Variants in SYNE1 observed in about 807,000 individuals in gnomAD.
The protein encoded by SYNE1 is spectrin repeat containing nuclear envelope protein 1.
A neutral mutation model predicts 1,111.0 loss-of-function variants in SYNE1; 616 were observed. That is an observed-to-expected ratio of 0.55 (90% CI 0.52 to 0.59). The LOEUF (loss-of-function observed/expected upper bound fraction) is 0.59. Among genes scored for constraint, SYNE1 ranks in the 20% least tolerant of loss-of-function variants. SYNE1 has a pLI of 0.00. For missense variants in SYNE1, 10,006 were observed against 10,417.0 expected (o/e 0.96, Z 1.72); for synonymous variants, 3,855 against 3,825.8 (o/e 1.01, Z -0.28).
chr6:152,234,906 AT>A, intron 110 of SYNE1, 106 bp from the exon 111 acceptor site: 1 of 1,315,488 alleles, frequency 7.6e-7, no homozygotes, highest in Non-Finnish European at 1.1e-6. Flanking sequence ...AGGTCTGAAG[AT>A]TTAGAAGAAA....
chr6:152,395,402 C>T (rs2097716673), intron 51 of SYNE1, 114 bp downstream of exon 51: 1 of 1,110,356 alleles, frequency 9.0e-7, no homozygotes, highest in South Asian at 1.5e-5. Flanking sequence ...AAGGACAGCA[C>T]AAACCACTAC....
rs762570039 is a variant in SYNE1, at chr6:152,242,401, T to C, written c.19732A>G (p.Arg6578Gly). Reference sequence around the variant, plus strand: ...GTAAGGTTCTGATTCAGACCACTCCTCCGGGAGCCAATGATCATCATCAGC... The same window carrying C: ...GTAAGGTTCTGATTCAGACCACTCCCCCGGGAGCCAATGATCATCATCAGC... ...DELMMIIGSR[R>G]SGLNQNLTLK... The change falls in exon 107 of 146, where the codon AGG (arginine) becomes GGG (glycine). Residue 6578 changes from arginine (R) to glycine (G), a missense_variant. By Grantham distance (125) the Arg-to-Gly change is moderately radical. Around this residue, in one of 7 missense-constraint regions of SYNE1, gnomAD observed 2,182 missense variants for 2,287.8 expected, o/e 0.95. Transcript: ENST00000367255. 14 of 1,614,046 alleles carry C rather than the reference T, an allele frequency of 8.7e-6. No homozygotes were observed. The South Asian group carries it at 1.3e-4, about 15-fold the overall frequency.
intron 66 of SYNE1, among the ~76,000 whole-genome samples, chr6:152,356,791 GA>G (rs2096846386): frequency 6.6e-6 from 1 of 152,092 alleles, no homozygotes; most frequent in East Asian, 1.9e-4. Flanking sequence ...GAAAATGTAA[GA>G]ATTAATGCAT....
At chr6:152,397,119 TG>T in intron 49 of SYNE1, 139 bp from the exon 50 acceptor site, 2 of 816,732 alleles carry the variant, frequency 2.4e-6, no homozygotes, top group Non-Finnish European at 2.0e-6. Flanking sequence ...TGCATACAAT[TG>T]GGCACAACCA....
At chr6:152,409,750 T>A (rs2154170313) in intron 42 of SYNE1, 41 bp from the exon 43 acceptor site, 2 of 1,608,752 alleles carry the variant, frequency 1.2e-6, no homozygotes, top group South Asian at 1.1e-5. Flanking sequence ...GTGTCATGTA[T>A]CAGGAAAAGG....
At chr6:152,341,911 C>T (rs1037439816) in intron 74 of SYNE1, among the ~76,000 whole-genome samples, 5 of 151,886 alleles carry the variant, frequency 3.3e-5, no homozygotes, top group Non-Finnish European at 4.4e-5. Context: ...TAAGACCTAC[C>T]GATGGAATTA....
At chr6:152,207,304 T>C (rs1368394681) in intron 125 of SYNE1, among the ~76,000 whole-genome samples, 3 of 152,134 alleles carry the variant, frequency 2.0e-5, no homozygotes, top group Non-Finnish European at 4.4e-5. Context: ...CACATAGACA[T>C]AAACTCACAA....
chr6:152,226,702 T>G (rs1483195878), intron 115 of SYNE1, among the ~76,000 whole-genome samples: 1 of 152,142 alleles, frequency 6.6e-6, no homozygotes, highest in Non-Finnish European at 1.5e-5. Context: ...ATAAATAAAT[T>G]GAAGATCAAG....
chr6:152,365,176 T>C (rs2097047583), intron 62 of SYNE1, among the ~76,000 whole-genome samples, 157 bp from the exon 63 acceptor site: 1 of 152,218 alleles, frequency 6.6e-6, no homozygotes, highest in South Asian at 2.1e-4. Context: ...AGTGGCTTGC[T>C]GGTGAATGCC....
intron 106 of SYNE1, among the ~76,000 whole-genome samples, chr6:152,243,229 G>C (rs2086214678): frequency 6.6e-6 from 1 of 152,110 alleles, no homozygotes; most frequent in Non-Finnish European, 1.5e-5. Flanking sequence ...TATAATTTCA[G>C]AGCAATTGAA....
At chr6:152,427,064 T>C (rs2098369728) in intron 38 of SYNE1, among the ~76,000 whole-genome samples, 1 of 152,236 alleles carries the variant, frequency 6.6e-6, no homozygotes, top group South Asian at 2.1e-4. Flanking sequence ...TAAGGCAAGT[T>C]ATTAATCTCT....
chr6:152,346,437 G>A lies in SYNE1; in HGVS notation c.12078+622C>T, dbSNP rs531486152. On this transcript the variant is annotated intron_variant, in intron 73 of 145. Coordinates refer to ENST00000367255, the MANE Select transcript of SYNE1 (RefSeq NM_182961.4). The stretch of plus-strand genomic sequence containing the variant: ...CTGCTTTGGCCTCCCAAAGTGCTGG[G>A]ATTATAGGCTTGAGCCACCATGCCC... Among the ~76,000 whole-genome samples, 5 of 152,240 alleles carry A rather than the reference G, an allele frequency of 3.3e-5. No individual in the cohort carries two copies. The East Asian group carries it at 7.7e-4, about 24-fold the overall frequency.
chr6:152,254,510 A>G (rs966670526), intron 104 of SYNE1, among the ~76,000 whole-genome samples: 1 of 152,096 alleles, frequency 6.6e-6, no homozygotes, highest in African/African-American at 2.4e-5. Context: ...GTGGCCTCCC[A>G]AAGTGCTGGG....
At chr6:152,363,722 GC>G (rs765549253) in intron 63 of SYNE1, 16 of 454,532 alleles carry the variant, frequency 3.5e-5, no homozygotes, top group South Asian at 2.0e-4. Context: ...ACATTCTCTA[GC>G]CCCTGATGTA....
chr6:152,169,902 C>T (rs1323642610), intron 130 of SYNE1, among the ~76,000 whole-genome samples: 1 of 151,864 alleles, frequency 6.6e-6, no homozygotes, highest in African/African-American at 2.4e-5. Flanking sequence ...TTTTATAAAA[C>T]AATCATTCTT....
intron 91 of SYNE1, chr6:152,302,378 A>G (rs2095224057): frequency 2.2e-6 from 1 of 463,202 alleles, no homozygotes; most frequent in Admixed American, 3.4e-5. Flanking sequence ...AACTTCCGCA[A>G]CATTAGGAAC....
Position 152,329,978 on chromosome 6 carries a change from C to G in SYNE1, c.14707G>C (p.Val4903Leu). ...ACCGGCCCACTGAGCTCTGCCTTCACTCTCCTCAGCCAGTCCAGGGAGCGA... is the reference window on the plus strand; with the variant it reads ...ACCGGCCCACTGAGCTCTGCCTTCAGTCTCCTCAGCCAGTCCAGGGAGCGA... ...MSRSLDWLRR[V>L]KAELSGPVYL... Residue 4903 changes from valine (V) to leucine (L), a missense_variant, in exon 78 of 146, where the codon GTG becomes CTG. Coordinates refer to ENST00000367255, the MANE Select transcript of SYNE1 (RefSeq NM_182961.4). 6.2e-7 allele frequency: 1 copy of G among 1,614,210 alleles called. No homozygotes were observed.
At chr6:152,467,016 G>A (rs2098773583) in intron 16 of SYNE1, among the ~76,000 whole-genome samples, 1 of 152,068 alleles carries the variant, frequency 6.6e-6, no homozygotes, top group Non-Finnish European at 1.5e-5. Flanking sequence ...CTTGTGTGCA[G>A]AGGAAACATT....
intron 121 of SYNE1, among the ~76,000 whole-genome samples, chr6:152,216,000 C>T (rs904536354): frequency 6.6e-6 from 1 of 152,188 alleles, no homozygotes; most frequent in East Asian, 1.9e-4. Context: ...GATCTCTTCC[C>T]TCCCTTCAAA....
Sources: allele counts gnomAD v4.1 joint callset (sites outside exome capture counted in the v4.1 genomes callset), GRCh38; gene constraint gnomAD v4.1.1; regional missense constraint gnomAD v4.1.1; transcripts MANE v1.5; gene names NCBI Gene and HGNC (gene_info 2026-07-23, HGNC 2026-07-21).